PAX2: variants seen among roughly 807,000 people sequenced by gnomAD.
The protein encoded by PAX2 is paired box protein Pax-2.
PAX2 carries 9 observed loss-of-function variants against 41.7 expected under a neutral mutation model. The observed-to-expected ratio is 0.22, with a 90% CI of 0.13 to 0.38. The LOEUF is 0.38. PAX2 is among the 10% of genes least tolerant of loss of function. The probability of loss-of-function intolerance (pLI) is 1.00; values close to 1 mark genes in which losing one functional copy is unlikely to be tolerated. For missense variants in PAX2, 418 were observed against 531.6 expected (o/e 0.79, Z 2.10); for synonymous variants, 221 against 212.7 (o/e 1.04, Z -0.34).
At position 100,794,884 on chromosome 10, in the gene PAX2, G is replaced by A. The variant is rs565299697; in HGVS notation, c.617-11546G>A. Among the ~76,000 whole-genome samples, 12 of 152,204 alleles carry A rather than the reference G, an allele frequency of 7.9e-5. No individual in the cohort carries two copies. In the East Asian group the frequency reaches 2.3e-3, roughly 29 times the overall value. On this transcript the variant is annotated intron_variant, in intron 5 of 9. Coordinates refer to ENST00000355243, the MANE Select transcript of PAX2 (RefSeq NM_000278.5). ...TGATTTTTTTTTTAGCCTAAACATA[G>A]GGCATTCCATTTATCCCTGCTGAAT...
Position 100,781,329 on chromosome 10 carries a change from C to T in PAX2, c.580C>T (p.Pro194Ser). 6.2e-7 allele frequency: 1 copy of T among 1,614,092 alleles called. No individual in the cohort carries two copies. The highest frequency in any genetic ancestry group is 8.5e-7 in the Non-Finnish European group (1 of 1,179,944). Residue 194 changes from proline to serine, a missense_variant, in exon 5 of 10, where the codon CCT becomes TCT. By Grantham distance (74) the Pro-to-Ser change is moderately conservative. Around this residue, in one of 2 missense-constraint regions of PAX2, gnomAD observed 310 missense variants for 325.2 expected, o/e 0.95. Coordinates refer to ENST00000355243, the MANE Select transcript of PAX2 (RefSeq NM_000278.5). ...SYSINGILGIPRSNGEKRKRD... is the reference protein window; with the variant it reads ...SYSINGILGISRSNGEKRKRD... The stretch of plus-strand genomic sequence containing the variant: ...CTCCATCAATGGGATCCTGGGGATT[C>T]CTCGCTCCAATGGTGAGAAGAGGAA...
In PAX2 at chr10:100,749,515, G is replaced by A. The variant is rs904604915; in HGVS notation, c.44-231G>A. 4.5e-6 allele frequency: 6 copies of A among 1,325,264 alleles called. No individual in the cohort carries two copies. In the Admixed American group the frequency reaches 1.1e-4, roughly 24 times the overall value. The allele number at this position is 1,325,264 out of a possible 1,614,324, so 82.1% of individuals were successfully genotyped here. A position where few individuals can be genotyped will look rare whatever the true frequency, so the allele number is the denominator to read the frequency against. ...CCCCCTTTGCTTTCTACCTTGCGTC[G>A]CAAGGCCTGAGTCGCCCTCTCGCCC... On this transcript the variant is annotated intron_variant, in intron 1 of 9. Coordinates refer to ENST00000355243, the MANE Select transcript of PAX2 (RefSeq NM_000278.5).
intron 5 of PAX2, among the ~76,000 whole-genome samples, chr10:100,801,523 A>G (rs1459178874): frequency 6.6e-6 from 1 of 152,226 alleles, no homozygotes; most frequent in Non-Finnish European, 1.5e-5. Flanking sequence ...TGGACAGAGC[A>G]CCTGGAATGG....
At chr10:100,749,540 C>T in intron 1 of PAX2, 6 of 1,362,778 alleles carry the variant, frequency 4.4e-6, no homozygotes, top group African/African-American at 1.5e-5. Flanking sequence ...CCCTCTCGCC[C>T]AGCCCCCAGT....
chr10:100,786,393 C>T (rs115660859), intron 5 of PAX2, among the ~76,000 whole-genome samples: 1,844 of 152,318 alleles, frequency 0.012, 43 homozygotes, highest in African/African-American at 0.042. Flanking sequence ...GGGCATCTCT[C>T]CCTCTATTCA....
chr10:100,760,279 C>T (rs1231153352), intron 3 of PAX2, among the ~76,000 whole-genome samples: 1 of 152,158 alleles, frequency 6.6e-6, no homozygotes, highest in African/African-American at 2.4e-5. Context: ...CAGAAGGCTT[C>T]CGGCTAAAGG....
chr10:100,760,590 G>GACAA (rs1845805842), intron 3 of PAX2, among the ~76,000 whole-genome samples: 3 of 152,186 alleles, frequency 2.0e-5, no homozygotes, highest in African/African-American at 7.2e-5. Context: ...TAGGAGAACT[G>GACAA]GAAGCAGTTG....
At chr10:100,781,137 C>T in intron 4 of PAX2, 109 bp from the exon 5 acceptor site, 2 of 1,096,370 alleles carry the variant, frequency 1.8e-6, no homozygotes, top group Non-Finnish European at 2.8e-6. Flanking sequence ...GCTCCTCATC[C>T]CTCCTTATGT....
chr10:100,769,927 C>T (rs1236656829), intron 3 of PAX2, among the ~76,000 whole-genome samples: 1 of 151,898 alleles, frequency 6.6e-6, no homozygotes, highest in Non-Finnish European at 1.5e-5. Context: ...AAGAGGGAAA[C>T]AGAGAGAAAT....
At chr10:100,742,685 G>A (rs560558858), upstream of PAX2, among the ~76,000 whole-genome samples, 7 of 152,014 alleles carry the variant, frequency 4.6e-5, no homozygotes, top group African/African-American at 1.7e-4. Flanking sequence ...CCTAGGTTGG[G>A]GGGTGGAAGG....
In PAX2 at chr10:100,748,587, G is replaced by T. The variant is rs1380146064; in HGVS notation, c.44-1159G>T. 2 of 985,338 alleles carry T rather than the reference G, an allele frequency of 2.0e-6. No individual in the cohort carries two copies. Among genetic ancestry groups the T allele is most frequent in the African/African-American group, 3.5e-5 (2 of 57,254 alleles). The allele number at this position is 985,338 out of a possible 1,614,324, so 61.0% of individuals were successfully genotyped here. A position where few individuals can be genotyped will look rare whatever the true frequency, so the allele number is the denominator to read the frequency against. ...GCGCTTGGATTGCTCAGTACCTGCG[G>T]CTACGGGTTGATCGCTCTGGGTGCA... is the stretch of plus-strand genomic sequence containing the variant. On this transcript the variant is annotated intron_variant, in intron 1 of 9. Transcript: ENST00000355243. The surrounding 1 kb of genome is among the most constrained non-coding windows in gnomAD (Gnocchi z 5.0).
chr10:100,743,957 A>G (rs1036754149), upstream of PAX2, among the ~76,000 whole-genome samples: 6 of 152,162 alleles, frequency 3.9e-5, no homozygotes, highest in African/African-American at 1.4e-4. Flanking sequence ...TGGGCTCTGG[A>G]GGATACAGGA....
intron 3 of PAX2, among the ~76,000 whole-genome samples, chr10:100,770,848 A>C (rs1202571153): frequency 6.6e-6 from 1 of 152,222 alleles, no homozygotes; most frequent in Admixed American, 6.5e-5. Context: ...AGCTGGAGTC[A>C]GGGTTAATAG....
intron 3 of PAX2, among the ~76,000 whole-genome samples, chr10:100,776,221 A>C (rs1386716953): frequency 6.6e-6 from 1 of 152,158 alleles, no homozygotes; most frequent in Non-Finnish European, 1.5e-5. Flanking sequence ...CTGAGGCAAT[A>C]GTCTCCGTTT....
At chr10:100,741,607 G>A (rs1157655886), upstream of PAX2, among the ~76,000 whole-genome samples, 6 of 152,124 alleles carry the variant, frequency 3.9e-5, no homozygotes, top group African/African-American at 1.2e-4. Flanking sequence ...GGTGCGCCGG[G>A]ACCCAGAGGG....
chr10:100,763,869 G>A (rs1845920195), intron 3 of PAX2, among the ~76,000 whole-genome samples: 1 of 152,298 alleles, frequency 6.6e-6, no homozygotes, highest in South Asian at 2.1e-4. Flanking sequence ...CTGGCTAGAG[G>A]GTACTGGGTC....
At chr10:100,821,908 G>A (rs934701929) in intron 7 of PAX2, among the ~76,000 whole-genome samples, 13 of 152,146 alleles carry the variant, frequency 8.5e-5, no homozygotes, top group Non-Finnish European at 1.8e-4. Context: ...AAACTTCTGC[G>A]TCTTCCCTAA....
At chr10:100,781,067 G>A (rs1846601295) in intron 4 of PAX2, among the ~76,000 whole-genome samples, 179 bp from the exon 5 acceptor site, 1 of 152,166 alleles carries the variant, frequency 6.6e-6, no homozygotes, top group Admixed American at 6.5e-5. Flanking sequence ...GCCTGTATAT[G>A]GCAATGCAGT....
chr10:100,749,308 C>T, intron 1 of PAX2: 9 of 1,003,556 alleles, frequency 9.0e-6, no homozygotes, highest in Non-Finnish European at 1.1e-5. Context: ...CCTCCAAGCC[C>T]CGCACGCGCG....
Sources: gnomAD v4.1 joint callset for allele counts (sites outside exome capture counted in the v4.1 genomes callset) on GRCh38, gnomAD v4.1.1 for gene constraint, gnomAD v4.1.1 regional missense constraint, Gnocchi (gnomAD v3.1) non-coding constraint, MANE v1.5 for transcripts, NCBI Gene and HGNC (gene_info 2026-07-23, HGNC 2026-07-21) for gene names.